The following RPGRIP1 variants were observed in gnomAD, a reference collection of about 807,000 sequenced individuals.
The protein encoded by RPGRIP1 is X-linked retinitis pigmentosa GTPase regulator-interacting protein 1.
In RPGRIP1, 128 loss-of-function variants were observed where a neutral mutation model predicts 157.9. The ratio of observed to expected loss-of-function variants is 0.81; its 90% CI spans 0.70 to 0.94. The LOEUF (loss-of-function observed/expected upper bound fraction) is 0.94, where lower values mean the gene tolerates loss of function less well. Among genes scored for constraint, RPGRIP1 ranks in the 40% least tolerant of loss-of-function variants. The probability of loss-of-function intolerance (pLI) is 0.00; values close to 1 mark genes in which losing one functional copy is unlikely to be tolerated. For missense variants in RPGRIP1, 1,486 were observed against 1,545.8 expected, an observed-to-expected ratio of 0.96 and a Z score of 0.65; for synonymous variants, 554 against 571.6, an observed-to-expected ratio of 0.97 and a Z score of 0.44.
In RPGRIP1 at chr14:21,329,943, C is replaced by A. The variant is rs373371284; in HGVS notation, c.3100-306C>A. On this transcript the variant is annotated intron_variant, in intron 19 of 24. Transcript: ENST00000400017. ...GACCAGCCTGGCCAACATGGTGAAA[C>A]CCCATCTCTACTAAAAATAGAAAAA... Among the ~76,000 whole-genome samples, 45 of 150,600 alleles carry A rather than the reference C, an allele frequency of 3.0e-4. 1 individual carries two copies. The South Asian group carries it at 4.2e-3, about 14-fold the overall frequency.
In RPGRIP1 at chr14:21,325,084, G is replaced by A. The variant is rs1318496241; in HGVS notation, c.2215+14G>A. 5 of 1,590,346 alleles carry A rather than the reference G, an allele frequency of 3.1e-6. No homozygotes were observed. In the Admixed American group the frequency reaches 5.2e-5, roughly 16 times the overall value. ...CCACACTGATTGGTAAGTGCCGTTG[G>A]CTTCCTGCGGCTCCTAAGCACCAAT... On this transcript the variant is annotated intron_variant, in intron 15 of 24. Transcript: ENST00000400017.
At chr14:21,291,962 G>A (rs903006794) in intron 2 of RPGRIP1, among the ~76,000 whole-genome samples, 6 of 152,160 alleles carry the variant, frequency 3.9e-5, no homozygotes, top group African/African-American at 1.4e-4. Flanking sequence ...GTTTCACCAT[G>A]TTGGTCACGC....
intron 10 of RPGRIP1, among the ~76,000 whole-genome samples, chr14:21,316,136 C>G (rs1881793525): frequency 6.6e-6 from 1 of 151,938 alleles, no homozygotes; most frequent in African/African-American, 2.4e-5. Flanking sequence ...GGCCACCACA[C>G]CTGGTTAATT....
intron 6 of RPGRIP1, among the ~76,000 whole-genome samples, chr14:21,306,888 G>T (rs1881336797): frequency 6.6e-6 from 1 of 150,952 alleles, no homozygotes; most frequent in Non-Finnish European, 1.5e-5. Flanking sequence ...CAATTCTCCT[G>T]CTTCAGCCTC....
At chr14:21,343,641 C>T (rs1293215980) in intron 22 of RPGRIP1, among the ~76,000 whole-genome samples, 1 of 151,990 alleles carries the variant, frequency 6.6e-6, no homozygotes, top group African/African-American at 2.4e-5. Context: ...CAGGTGTGCG[C>T]CACCGTGCCT....
Position 21,324,794 on chromosome 14 carries a change from G to T in RPGRIP1, c.1939G>T (p.Asp647Tyr). 6.2e-7 allele frequency: 1 copy of T among 1,614,058 alleles called. No individual in the cohort carries two copies. Among genetic ancestry groups the T allele is most frequent in the South Asian group, 1.1e-5 (1 of 91,086 alleles). Reference sequence around the variant, plus strand: ...ATCTGCCGCCCTAGCTCAGGCTGGAGATACCCAACCTACCACTTTCTGCAC... The same window carrying T: ...ATCTGCCGCCCTAGCTCAGGCTGGATATACCCAACCTACCACTTTCTGCAC... ...LTSAALAQAG[D>Y]TQPTTFCTYS... is the part of the protein sequence containing the mutation. The change falls in exon 15 of 25, where the codon GAT (aspartate) becomes TAT (tyrosine). Residue 647 changes from aspartate (D) to tyrosine (Y), a missense_variant. Physicochemically the swap from Asp to Tyr is radical, Grantham distance 160. Transcript: ENST00000400017.
rs966228249 is a variant in RPGRIP1 at position 21,324,835 on chromosome 14, C to G, written c.1980C>G (p.Asp660Glu). ...PTTFCTYSFY[D>E]FETHCTPLSV... ...CTTTCTGCACCTATTCCTTCTATGA[C>G]TTTGAAACCCACTGTACCCCATTAT... The change falls in exon 15 of 25, where the codon GAC (aspartate) becomes GAG (glutamate). Residue 660 changes from aspartate (D) to glutamate (E), a missense_variant. By Grantham distance (45) the Asp-to-Glu change is conservative (BLOSUM62 2). Transcript: ENST00000400017. 6.2e-7 allele frequency: 1 copy of G among 1,614,038 alleles called. No homozygotes were observed.
At chr14:21,332,573 C>T (rs906468120) in intron 20 of RPGRIP1, among the ~76,000 whole-genome samples, 3 of 152,148 alleles carry the variant, frequency 2.0e-5, no homozygotes, top group African/African-American at 4.8e-5. Context: ...GACCTGAATG[C>T]GGGGTTCCAG....
chr14:21,315,278 T>C (rs10138029), intron 10 of RPGRIP1, among the ~76,000 whole-genome samples: 81,835 of 151,410 alleles, frequency 0.54, 22,127 homozygotes, highest in South Asian at 0.62. Flanking sequence ...GAGGCCGAGG[T>C]GGGTGGATCA....
Position 21,324,600 on chromosome 14 carries a change from G to A in RPGRIP1, c.1763-18G>A. The A allele has an allele frequency of 1.2e-6, 2 of 1,605,366 alleles. No homozygotes were observed. Among genetic ancestry groups the A allele is most frequent in the Admixed American group, 1.7e-5 (1 of 60,004 alleles). Reference sequence around the variant, plus strand: ...CTCCCTACCCTTTAACGGATAGGCAGCTTTCTTTCCCCTCTAGAACAGCTC... The same window carrying A: ...CTCCCTACCCTTTAACGGATAGGCAACTTTCTTTCCCCTCTAGAACAGCTC... On this transcript the variant is annotated intron_variant, in intron 14 of 24. Transcript: ENST00000400017.
At chr14:21,331,069 C>T (rs1883729057) in intron 20 of RPGRIP1, among the ~76,000 whole-genome samples, 1 of 151,788 alleles carries the variant, frequency 6.6e-6, no homozygotes, top group Non-Finnish European at 1.5e-5. Context: ...GCCACCATCC[C>T]CGGCTAATTT....
intron 14 of RPGRIP1, 161 bp from the exon 15 acceptor site, chr14:21,324,457 G>A: frequency 1.5e-6 from 1 of 677,090 alleles, no homozygotes; most frequent in Non-Finnish European, 2.6e-6. Flanking sequence ...AATGCTCCTG[G>A]TTGTCCTTCT....
intron 23 of RPGRIP1, among the ~76,000 whole-genome samples, chr14:21,347,361 G>A (rs1353619370): frequency 6.6e-6 from 1 of 152,216 alleles, no homozygotes; most frequent in Non-Finnish European, 1.5e-5. Flanking sequence ...ACATTGTAAT[G>A]CTAGTTATCA....
At position 21,325,078 on chromosome 14, in the gene RPGRIP1, C is replaced by A. The variant is rs1163623603; in HGVS notation, c.2215+8C>A. Reference sequence around the variant, plus strand: ...GCTTGGCCACACTGATTGGTAAGTGCCGTTGGCTTCCTGCGGCTCCTAAGC... The same window carrying A: ...GCTTGGCCACACTGATTGGTAAGTGACGTTGGCTTCCTGCGGCTCCTAAGC... On this transcript the variant is annotated splice_region_variant and intron_variant, in intron 15 of 24. Coordinates refer to ENST00000400017, the MANE Select transcript of RPGRIP1 (RefSeq NM_020366.4). 1 of 1,595,176 alleles carries A rather than the reference C, an allele frequency of 6.3e-7. No homozygotes were observed. Among genetic ancestry groups the A allele is most frequent in the Admixed American group, 1.7e-5 (1 of 58,320 alleles).
intron 24 of RPGRIP1, among the ~76,000 whole-genome samples, chr14:21,350,319 T>C (rs1291958206): frequency 2.1e-5 from 3 of 145,888 alleles, no homozygotes; most frequent in African/African-American, 7.7e-5. Context: ...GAGGTTGCAG[T>C]GAGCTGAGAT....
At chr14:21,336,641 A>G (rs1017158575) in intron 21 of RPGRIP1, among the ~76,000 whole-genome samples, 1 of 152,198 alleles carries the variant, frequency 6.6e-6, no homozygotes, top group African/African-American at 2.4e-5. Flanking sequence ...TGTTTGTAAG[A>G]CAGACTGGAG....
intron 20 of RPGRIP1, among the ~76,000 whole-genome samples, chr14:21,331,009 A>AG (rs1883720263): frequency 6.6e-6 from 1 of 151,796 alleles, no homozygotes; most frequent in African/African-American, 2.4e-5. Flanking sequence ...TCCTGGGTTC[A>AG]AGCAATTCTC....
chr14:21,318,210 G>A (rs922189188), intron 11 of RPGRIP1: 12 of 458,284 alleles, frequency 2.6e-5, no homozygotes, highest in South Asian at 3.2e-5. Context: ...AGGTACAAGC[G>A]ATTCTCCTAT....
chr14:21,314,138 G>T (rs560771438), intron 10 of RPGRIP1, among the ~76,000 whole-genome samples: 235 of 151,886 alleles, frequency 1.5e-3, no homozygotes, highest in Non-Finnish European at 1.9e-3. Flanking sequence ...TGTAGAGATG[G>T]TGTTTTGCCA....
Sources: gnomAD v4.1 joint callset for allele counts (sites outside exome capture counted in the v4.1 genomes callset) on GRCh38, gnomAD v4.1.1 for gene constraint, MANE v1.5 for transcripts, NCBI Gene and HGNC (gene_info 2026-07-23, HGNC 2026-07-21) for gene names.